The following EXOC6 variants were observed in gnomAD, a reference collection of about 807,000 sequenced individuals.
The protein encoded by EXOC6 is SEC15-like 1.
Under a neutral mutation model 112.5 loss-of-function variants are expected in EXOC6, and 60 were observed. That is an observed-to-expected ratio of 0.53 (90% CI 0.43 to 0.66). The LOEUF is 0.66. EXOC6 is among the 30% of genes least tolerant of loss of function. The pLI is 0.00. For synonymous variants in EXOC6, 295 were observed against 308.0 expected (o/e 0.96, Z 0.44); for missense variants, 855 against 957.1 (o/e 0.89, Z 1.41).
chr10:93,029,071 A>G (rs1041931656), intron 20 of EXOC6, among the ~76,000 whole-genome samples: 1 of 152,160 alleles, frequency 6.6e-6, no homozygotes, highest in Non-Finnish European at 1.5e-5. Flanking sequence ...GCCTTCAGCA[A>G]TCACCACCCG....
chr10:92,892,862 T>A (rs577630579), intron 1 of EXOC6, among the ~76,000 whole-genome samples: 2 of 152,330 alleles, frequency 1.3e-5, no homozygotes, highest in South Asian at 4.1e-4. Context: ...GGTTGTGGAA[T>A]TTATGGCAGT....
At position 93,014,139 on chromosome 10, in the gene EXOC6, C is replaced by T. The variant is rs74149195; in HGVS notation, c.2096-55C>T. 7.6e-4 allele frequency: 980 copies of T among 1,288,188 alleles called. 7 individuals are homozygous for T. The African/African-American group carries it at 0.013, about 17-fold the overall frequency. 79.8% of individuals were successfully genotyped at this position (1,288,188 alleles called of 1,614,324 possible). A position where few individuals can be genotyped will look rare whatever the true frequency, so the allele number is the denominator to read the frequency against. On this transcript the variant is annotated intron_variant, in intron 19 of 21. Coordinates refer to ENST00000260762, the MANE Select transcript of EXOC6 (RefSeq NM_019053.6). ...AGTAGAAATTAATTTATCAGTTAAACTCTTGTATATTTTGTGATCTCATTT... is the reference window on the plus strand; with the variant it reads ...AGTAGAAATTAATTTATCAGTTAAATTCTTGTATATTTTGTGATCTCATTT...
At chr10:92,993,928 G>A (rs1843370870) in intron 18 of EXOC6, among the ~76,000 whole-genome samples, 1 of 152,140 alleles carries the variant, frequency 6.6e-6, no homozygotes, top group Non-Finnish European at 1.5e-5. Context: ...TCTCACATAG[G>A]TTACTTAGAG....
intron 20 of EXOC6, among the ~76,000 whole-genome samples, chr10:93,029,207 C>T (rs995589384): frequency 3.3e-5 from 5 of 152,134 alleles, no homozygotes; most frequent in East Asian, 1.9e-4. Context: ...AGGGTGTGTA[C>T]GTTGTTTTTT....
intron 5 of EXOC6, among the ~76,000 whole-genome samples, chr10:92,906,927 C>A (rs1285856693): frequency 6.6e-6 from 1 of 152,030 alleles, no homozygotes; most frequent in Non-Finnish European, 1.5e-5. Flanking sequence ...TTATGTGTAT[C>A]TAAAGGAGAA....
chr10:92,935,275 AAAATT>A (rs1329010290), intron 11 of EXOC6, among the ~76,000 whole-genome samples: 2 of 151,974 alleles, frequency 1.3e-5, no homozygotes, highest in African/African-American at 4.8e-5. Context: ...CTGAATATAT[AAAATT>A]AAAGTATATT....
At chr10:93,040,698 C>T (rs1406950162) in intron 20 of EXOC6, among the ~76,000 whole-genome samples, 1 of 152,228 alleles carries the variant, frequency 6.6e-6, no homozygotes, top group Admixed American at 6.5e-5. Flanking sequence ...CTTTGCCACA[C>T]TGCTGAAATA....
intron 20 of EXOC6, among the ~76,000 whole-genome samples, chr10:93,023,844 A>G (rs1362808991): frequency 2.0e-5 from 3 of 152,098 alleles, no homozygotes; most frequent in Non-Finnish European, 2.9e-5. Flanking sequence ...AATTTTTTAT[A>G]ACTTATTTTT....
chr10:92,839,864 T>A (rs1322296955), intron 1 of EXOC6, among the ~76,000 whole-genome samples: 1 of 151,912 alleles, frequency 6.6e-6, no homozygotes, highest in Non-Finnish European at 1.5e-5. Flanking sequence ...GGGGTGGATG[T>A]CTAAAGAAGG....
At chr10:92,995,253 A>G (rs1021244061) in intron 18 of EXOC6, among the ~76,000 whole-genome samples, 15 of 152,082 alleles carry the variant, frequency 9.9e-5, no homozygotes, top group African/African-American at 3.4e-4. Flanking sequence ...TATTTCCACC[A>G]GGTTTCTGGA....
At chr10:92,993,603 A>G (rs1843358340) in intron 18 of EXOC6, among the ~76,000 whole-genome samples, 1 of 152,150 alleles carries the variant, frequency 6.6e-6, no homozygotes. Context: ...TCATGAAAAC[A>G]TTACTTTCAA....
intron 1 of EXOC6, among the ~76,000 whole-genome samples, chr10:92,866,528 T>C (rs967929958): frequency 1.3e-5 from 2 of 152,204 alleles, no homozygotes; most frequent in Non-Finnish European, 2.9e-5. Flanking sequence ...ATTAACTTAA[T>C]ATCAAGGTTT....
At chr10:92,923,081 T>C (rs1238205785) in intron 8 of EXOC6, among the ~76,000 whole-genome samples, 1 of 152,186 alleles carries the variant, frequency 6.6e-6, no homozygotes, top group East Asian at 1.9e-4. Flanking sequence ...ATTACCAGTG[T>C]TGAGATTAAT....
chr10:92,873,832 C>G (rs1332832289), intron 1 of EXOC6, among the ~76,000 whole-genome samples: 2 of 151,970 alleles, frequency 1.3e-5, no homozygotes, highest in Non-Finnish European at 2.9e-5. Context: ...GGGCAGATCA[C>G]TTGAGGTCAG....
At chr10:93,035,645 A>G (rs1845482840) in intron 20 of EXOC6, among the ~76,000 whole-genome samples, 1 of 152,112 alleles carries the variant, frequency 6.6e-6, no homozygotes, top group African/African-American at 2.4e-5. Context: ...ACTTGAGGCC[A>G]GGAGCTCTAG....
rs140386844 is a variant in EXOC6, at chr10:92,910,740, T to C, written c.663+1109T>C. On this transcript the variant is annotated intron_variant, in intron 6 of 21. Coordinates refer to ENST00000260762, the MANE Select transcript of EXOC6 (RefSeq NM_019053.6). The stretch of plus-strand genomic sequence containing the variant: ...GTCAGGAGACCAAGACCATCCTGGC[T>C]AACACGGTGAAACCCCATCTCTACT... 8.1e-4 allele frequency among the ~76,000 whole-genome samples: 123 copies of C among 152,176 alleles called. 1 individual carries two copies. The highest frequency in any genetic ancestry group is 3.4e-3 in the Middle Eastern group (1 of 294).
At chr10:93,050,089 A>T (rs1253710074) in intron 20 of EXOC6, among the ~76,000 whole-genome samples, 7 of 152,234 alleles carry the variant, frequency 4.6e-5, no homozygotes, top group African/African-American at 1.7e-4. Context: ...AGGTTTAATT[A>T]TATTAAAGTT....
chr10:92,986,746 G>C (rs1589980024), intron 18 of EXOC6, among the ~76,000 whole-genome samples: 2 of 149,498 alleles, frequency 1.3e-5, no homozygotes, highest in East Asian at 3.9e-4. Context: ...AAGTAAATTA[G>C]GTAATTTAAA....
At chr10:92,888,345 G>T (rs905809065) in intron 1 of EXOC6, among the ~76,000 whole-genome samples, 12 of 152,174 alleles carry the variant, frequency 7.9e-5, no homozygotes, top group Non-Finnish European at 2.9e-5. Context: ...AAAGCAGGAG[G>T]AGTTTTGTTT....
Sources: allele counts gnomAD v4.1 joint callset (sites outside exome capture counted in the v4.1 genomes callset), GRCh38; gene constraint gnomAD v4.1.1; transcripts MANE v1.5; gene names NCBI Gene and HGNC (gene_info 2026-07-23, HGNC 2026-07-21).